Variants in SHB observed in about 807,000 individuals in gnomAD.
SHB encodes SH2 domain-containing adapter protein B.
Under a neutral mutation model 52.3 loss-of-function variants are expected in SHB, and 20 were observed. The ratio of observed to expected loss-of-function variants is 0.38; its 90% confidence interval spans 0.27 to 0.56. The LOEUF (loss-of-function observed/expected upper bound fraction) is 0.56, where lower values mean the gene tolerates loss of function less well. Ranked by LOEUF, SHB falls within the 20% of genes least tolerant of loss-of-function variation. The pLI is 0.71. For synonymous variants in SHB, 397 were observed against 316.5 expected (o/e 1.25, Z -2.70); for missense variants, 825 against 723.3 (o/e 1.14, Z -1.61).
At chr9:38,000,521 G>GCCCT (rs1820998041) in intron 2 of SHB, among the ~76,000 whole-genome samples, 2 of 152,244 alleles carry the variant, frequency 1.3e-5, no homozygotes, top group Non-Finnish European at 2.9e-5. Flanking sequence ...GAGCCAGGGG[G>GCCCT]CGGGGGCATT....
chr9:38,041,012 T>C (rs1457420303), intron 1 of SHB, among the ~76,000 whole-genome samples: 1 of 151,998 alleles, frequency 6.6e-6, no homozygotes, highest in African/African-American at 2.4e-5. Flanking sequence ...ACTGTGCACC[T>C]GGTGGGACTC....
intron 2 of SHB, among the ~76,000 whole-genome samples, chr9:37,979,590 C>T (rs1258601065): frequency 6.6e-6 from 1 of 151,606 alleles, no homozygotes; most frequent in East Asian, 1.9e-4. Context: ...CTATACTCTG[C>T]TCCAGTATTC....
At chr9:37,930,237 G>C (rs1401884501) in intron 5 of SHB, among the ~76,000 whole-genome samples, 1 of 152,232 alleles carries the variant, frequency 6.6e-6, no homozygotes, top group African/African-American at 2.4e-5. Context: ...GATACTCTGA[G>C]ATCATTTGGT....
At chr9:38,042,474 A>G (rs1220543863) in intron 1 of SHB, among the ~76,000 whole-genome samples, 2 of 152,094 alleles carry the variant, frequency 1.3e-5, no homozygotes, top group Admixed American at 1.3e-4. Flanking sequence ...CACTTCTCCA[A>G]CCCTAAAATG....
chr9:38,054,621 G>C (rs1174806363), intron 1 of SHB, among the ~76,000 whole-genome samples: 1 of 152,206 alleles, frequency 6.6e-6, no homozygotes, highest in East Asian at 1.9e-4. Context: ...ATCTGGCTCT[G>C]TGGGCAGTGT....
chr9:38,000,192 G>C (rs1820994621), intron 2 of SHB, among the ~76,000 whole-genome samples: 1 of 152,226 alleles, frequency 6.6e-6, no homozygotes, highest in Non-Finnish European at 1.5e-5. Context: ...AATTGCTGCT[G>C]CTGGCAGACC....
chr9:37,971,706 G>A (rs544957174), intron 3 of SHB, among the ~76,000 whole-genome samples: 5 of 152,298 alleles, frequency 3.3e-5, no homozygotes, highest in Middle Eastern at 3.4e-3. Context: ...CAGACTGACC[G>A]TGACACCTGT....
chr9:37,928,865 G>C (rs563634517), intron 5 of SHB, among the ~76,000 whole-genome samples: 1 of 152,388 alleles, frequency 6.6e-6, no homozygotes, highest in African/African-American at 2.4e-5. Context: ...CACCTGAGCA[G>C]CACATGGTGG....
chr9:37,921,314 CT>C (rs1462851350), intron 5 of SHB, among the ~76,000 whole-genome samples: 1 of 152,206 alleles, frequency 6.6e-6, no homozygotes, highest in Non-Finnish European at 1.5e-5. Flanking sequence ...AGCTCCGCCC[CT>C]AGCCGCTGTC....
chr9:38,042,677 T>C (rs1314914574), intron 1 of SHB, among the ~76,000 whole-genome samples: 1 of 152,218 alleles, frequency 6.6e-6, no homozygotes, highest in Non-Finnish European at 1.5e-5. Context: ...TGACAGGCTC[T>C]TGGAAGGCTG....
chr9:38,066,703 G>C (rs1821966076), intron 1 of SHB, among the ~76,000 whole-genome samples: 2 of 152,134 alleles, frequency 1.3e-5, no homozygotes, highest in Non-Finnish European at 1.5e-5. Flanking sequence ...CTCGGGGAGG[G>C]GAGGCCAGGC....
intron 1 of SHB, among the ~76,000 whole-genome samples, chr9:38,034,225 T>C (rs1394181367): frequency 1.3e-5 from 2 of 152,198 alleles, no homozygotes; most frequent in African/African-American, 4.8e-5. Context: ...AGAAATAATG[T>C]AATAACTTGC....
chr9:37,999,452 A>T (rs1296366399), intron 2 of SHB, among the ~76,000 whole-genome samples: 1 of 152,078 alleles, frequency 6.6e-6, no homozygotes, highest in Non-Finnish European at 1.5e-5. Context: ...CAAATACACT[A>T]AAAAAAATTA....
At chr9:38,006,672 G>A (rs1564100093) in intron 2 of SHB, among the ~76,000 whole-genome samples, 1 of 152,230 alleles carries the variant, frequency 6.6e-6, no homozygotes, top group Non-Finnish European at 1.5e-5. Flanking sequence ...TGTGTTCCGA[G>A]GGGCCTGAGC....
At chr9:38,041,323 A>C (rs993815137) in intron 1 of SHB, among the ~76,000 whole-genome samples, 14 of 152,148 alleles carry the variant, frequency 9.2e-5, no homozygotes, top group African/African-American at 3.4e-4. Flanking sequence ...GGGGCTGTGT[A>C]TGGGGAAGGG....
rs73439949 is a variant in SHB, at chr9:38,067,703, G to A, written c.717+226C>T. On this transcript the variant is annotated intron_variant, in intron 1 of 5. Transcript: ENST00000377707. ...AGGCTGGGCCGGGCGCTCTCGCTCA[G>A]AGGGGACGTTCTGGAAGCAGCGGCG... 6.7e-3 allele frequency among the ~76,000 whole-genome samples: 1,024 copies of A among 152,294 alleles called. 18 individuals carry two copies. Among genetic ancestry groups the A allele is most frequent in the African/African-American group, 0.023 (968 of 41,564 alleles).
chr9:37,972,409 A>G (rs1167622117), intron 3 of SHB, among the ~76,000 whole-genome samples: 3 of 152,180 alleles, frequency 2.0e-5, no homozygotes, highest in Non-Finnish European at 2.9e-5. Flanking sequence ...ACCTACAGCC[A>G]CAGGATGACT....
intron 1 of SHB, among the ~76,000 whole-genome samples, chr9:38,067,043 G>T (rs1410084677): frequency 6.6e-6 from 1 of 152,310 alleles, no homozygotes; most frequent in African/African-American, 2.4e-5. Flanking sequence ...GGCTTCACAG[G>T]AGTGTGAAGG....
intron 2 of SHB, among the ~76,000 whole-genome samples, chr9:37,977,732 G>A (rs577393890): frequency 3.9e-5 from 6 of 152,298 alleles, no homozygotes; most frequent in East Asian, 3.9e-4. Context: ...GTCTTCCTCC[G>A]TTCTGAGGAG....
Sources: gnomAD v4.1 joint callset for allele counts (sites outside exome capture counted in the v4.1 genomes callset) on GRCh38, gnomAD v4.1.1 for gene constraint, MANE v1.5 for transcripts, NCBI Gene and HGNC (gene_info 2026-07-23, HGNC 2026-07-21) for gene names.